The following TTLL5 variants were observed in gnomAD, a reference collection of about 807,000 sequenced individuals.
TTLL5 encodes the protein tubulin polyglutamylase TTLL5.
Under a neutral mutation model 168.4 loss-of-function variants are expected in TTLL5, and 132 were observed. That is an observed-to-expected ratio of 0.78 (90% CI 0.68 to 0.91). The LOEUF is 0.91. TTLL5 is among the 40% of genes least tolerant of loss of function. The probability of loss-of-function intolerance (pLI) is 0.00; values close to 1 mark genes in which losing one functional copy is unlikely to be tolerated. For synonymous variants in TTLL5, 546 were observed against 558.6 expected, an observed-to-expected ratio of 0.98 and a Z score of 0.32; for missense variants, 1,545 against 1,581.5, an observed-to-expected ratio of 0.98 and a Z score of 0.39.
At chr14:75,686,753 G>A (rs745567819) in intron 5 of TTLL5, among the ~76,000 whole-genome samples, 1 of 152,074 alleles carries the variant, frequency 6.6e-6, no homozygotes, top group African/African-American at 2.4e-5. Flanking sequence ...GGTCACATCT[G>A]TAGATACCTG....
intron 3 of TTLL5, among the ~76,000 whole-genome samples, chr14:75,674,963 CAG>C (rs1042145605): frequency 3.2e-4 from 48 of 151,780 alleles, no homozygotes; most frequent in African/African-American, 1.1e-3. Flanking sequence ...TTTAACATAA[CAG>C]AGCATCTCAA....
intron 28 of TTLL5, among the ~76,000 whole-genome samples, chr14:75,846,549 G>T (rs1359539999): frequency 2.0e-5 from 3 of 152,192 alleles, no homozygotes; most frequent in Non-Finnish European, 4.4e-5. Context: ...CTAGCACTTT[G>T]GGAGGCCGAG....
At chr14:75,924,185 T>G (rs554507861) in intron 31 of TTLL5, among the ~76,000 whole-genome samples, 2 of 152,128 alleles carry the variant, frequency 1.3e-5, no homozygotes, top group Non-Finnish European at 2.9e-5. Flanking sequence ...AATTTGCCAG[T>G]TCGTGTCTTT....
At chr14:75,831,348 G>T (rs1895552282) in intron 28 of TTLL5, among the ~76,000 whole-genome samples, 1 of 152,206 alleles carries the variant, frequency 6.6e-6, no homozygotes, top group South Asian at 2.1e-4. Context: ...AATCTCACAA[G>T]ATCAGAGCTT....
intron 26 of TTLL5, among the ~76,000 whole-genome samples, chr14:75,784,683 G>A (rs547697480): frequency 1.2e-4 from 18 of 152,180 alleles, no homozygotes; most frequent in Admixed American, 2.6e-4. Context: ...TTCCAAAGTC[G>A]CTGTGCCCTT....
Position 75,766,152 on chromosome 14 carries a change from A to C in TTLL5, c.1799A>C (p.Gln600Pro). The C allele has an allele frequency of 6.2e-7, 1 of 1,614,106 alleles. No homozygotes were observed. Among genetic ancestry groups the C allele is most frequent in the African/African-American group, 1.3e-5 (1 of 75,062 alleles). ...EVALDNEDEE[Q>P]EASQEESAGF... is the part of the protein sequence containing the mutation. ...GCATTAGATAATGAAGATGAAGAAC[A>C]GGAGGCTTCCCAGGAGGAGTCTGCA... The change falls in exon 20 of 32, where the codon CAG becomes CCG. Residue 600 changes from glutamine to proline, a missense_variant. Coordinates refer to ENST00000298832, the MANE Select transcript of TTLL5 (RefSeq NM_015072.5).
intron 28 of TTLL5, among the ~76,000 whole-genome samples, chr14:75,844,324 G>T (rs376898198): frequency 6.6e-6 from 1 of 152,168 alleles, no homozygotes; most frequent in Admixed American, 6.5e-5. Context: ...AAAGGTTATT[G>T]TTCCTCCATT....
chr14:75,777,045 G>A (rs563323381), intron 23 of TTLL5, among the ~76,000 whole-genome samples, 195 bp downstream of exon 23: 1 of 152,262 alleles, frequency 6.6e-6, no homozygotes, highest in East Asian at 1.9e-4. Context: ...CCAGGAATTC[G>A]AGGCCAGCTT....
At chr14:75,846,648 G>C (rs1442791860) in intron 28 of TTLL5, among the ~76,000 whole-genome samples, 2 of 152,124 alleles carry the variant, frequency 1.3e-5, no homozygotes, top group African/African-American at 2.4e-5. Flanking sequence ...AAATCAGCCA[G>C]GCATGGTGGC....
chr14:75,860,044 A>G (rs980983902), intron 28 of TTLL5, among the ~76,000 whole-genome samples: 3 of 152,132 alleles, frequency 2.0e-5, no homozygotes, highest in Non-Finnish European at 4.4e-5. Context: ...TGCTTGAGAA[A>G]CTTCCTTTTG....
At chr14:75,775,340 A>C in intron 21 of TTLL5, 144 bp from the exon 22 acceptor site, 1 of 907,814 alleles carries the variant, frequency 1.1e-6, no homozygotes, top group Non-Finnish European at 1.6e-6. Context: ...TCTTATACCT[A>C]ACCTTTTTGT....
chr14:75,766,073 C>T lies in TTLL5; in HGVS notation c.1720C>T (p.Pro574Ser). 6.8e-6 allele frequency: 11 copies of T among 1,610,602 alleles called. No individual in the cohort carries two copies. The highest frequency in any genetic ancestry group is 2.2e-5 in the East Asian group (1 of 44,814). ...MRPKYPVITQ[P>S]AEMNVKTETE... ...TTCTTCGTATTTAGTGATTACCCAA[C>T]CAGCTGAAATGAATGTTAAAACTGA... Residue 574 changes from proline (P) to serine (S), a missense_variant, in exon 20 of 32, where the codon CCA (proline) becomes TCA (serine). By Grantham distance (74) the Pro-to-Ser change is moderately conservative. Transcript: ENST00000298832.
At chr14:75,783,082 G>C in intron 25 of TTLL5, 65 bp from the exon 26 acceptor site, 1 of 1,456,050 alleles carries the variant, frequency 6.9e-7, no homozygotes, top group Non-Finnish European at 9.2e-7. Context: ...AAAAATATTT[G>C]TTTTATAGAG....
At chr14:75,847,780 TCACCTGACAGG>T (rs1896629693) in intron 28 of TTLL5, 1 of 152,046 alleles carries the variant, frequency 6.6e-6, no homozygotes, top group Admixed American at 6.5e-5. Context: ...TGTGTCACAA[TCACCTGACAGG>T]CTTGTTAACA....
At chr14:75,801,806 T>A (rs758430348) in intron 27 of TTLL5, among the ~76,000 whole-genome samples, 13 of 152,220 alleles carry the variant, frequency 8.5e-5, no homozygotes, top group South Asian at 2.1e-4. Context: ...CCTTTTTCTC[T>A]AGTTATATTT....
At chr14:75,919,994 G>T (rs148437137) in intron 31 of TTLL5, among the ~76,000 whole-genome samples, 1 of 152,046 alleles carries the variant, frequency 6.6e-6, no homozygotes, top group Non-Finnish European at 1.5e-5. Flanking sequence ...AGTGCCTCAC[G>T]CCTGTAAGTT....
chr14:75,801,774 AT>A (rs1247622299), intron 27 of TTLL5, among the ~76,000 whole-genome samples: 2 of 152,184 alleles, frequency 1.3e-5, no homozygotes, highest in African/African-American at 4.8e-5. Flanking sequence ...AGATTCTGGT[AT>A]ATTTGTTTAC....
At chr14:75,771,135 A>G (rs190739695) in intron 20 of TTLL5, among the ~76,000 whole-genome samples, 67 of 152,300 alleles carry the variant, frequency 4.4e-4, no homozygotes, top group Admixed American at 1.2e-3. Flanking sequence ...TAAAAAGTTC[A>G]AAGAGGGTCA....
At chr14:75,852,834 T>G (rs889382929) in intron 28 of TTLL5, among the ~76,000 whole-genome samples, 4 of 152,240 alleles carry the variant, frequency 2.6e-5, no homozygotes, top group African/African-American at 7.2e-5. Flanking sequence ...TGGCTAGCTA[T>G]CAGTGTTCCC....
Sources: gnomAD v4.1 joint callset for allele counts (sites outside exome capture counted in the v4.1 genomes callset) on GRCh38, gnomAD v4.1.1 for gene constraint, MANE v1.5 for transcripts, NCBI Gene and HGNC (gene_info 2026-07-23, HGNC 2026-07-21) for gene names.